The following LUZP2 variants were observed in gnomAD, a reference collection of about 807,000 sequenced individuals.
LUZP2 encodes the protein leucine zipper protein 2.
Under a neutral mutation model 51.6 loss-of-function variants are expected in LUZP2, and 52 were observed. That is an observed-to-expected ratio of 1.01 (90% CI 0.81 to 1.27). The LOEUF (loss-of-function observed/expected upper bound fraction) is 1.27, where lower values mean the gene tolerates loss of function less well. Among genes scored for constraint, LUZP2 ranks in the 50% most tolerant of loss-of-function variants. The pLI, the probability that LUZP2 is intolerant of heterozygous loss-of-function variation, is 0.00. For missense variants in LUZP2, 436 were observed against 395.4 expected, an observed-to-expected ratio of 1.10 and a Z score of -0.87; for synonymous variants, 154 against 137.3, an observed-to-expected ratio of 1.12 and a Z score of -0.85.
chr11:25,007,495 C>A (rs1856865949), intron 9 of LUZP2, among the ~76,000 whole-genome samples: 1 of 152,104 alleles, frequency 6.6e-6, no homozygotes, highest in African/African-American at 2.4e-5. Flanking sequence ...CCCAGCTACT[C>A]AGGAGGCTGA....
chr11:24,614,365 C>G (rs1204171203), intron 1 of LUZP2, among the ~76,000 whole-genome samples: 1 of 151,966 alleles, frequency 6.6e-6, no homozygotes, highest in Non-Finnish European at 1.5e-5. Context: ...GTTACTTTAA[C>G]TGATGCTCCT....
intron 5 of LUZP2, among the ~76,000 whole-genome samples, chr11:24,881,554 AG>A (rs1659662575): frequency 6.6e-6 from 1 of 152,092 alleles, no homozygotes; most frequent in South Asian, 2.1e-4. Context: ...GGAAGTTGAA[AG>A]TATTCTGATT....
intron 1 of LUZP2, among the ~76,000 whole-genome samples, chr11:24,677,887 A>G (rs1403088998): frequency 2.0e-5 from 3 of 152,146 alleles, no homozygotes; most frequent in Non-Finnish European, 4.4e-5. Context: ...AATACAAAAA[A>G]TTAGCCGGGC....
chr11:24,843,085 A>T (rs1362584284), intron 5 of LUZP2, among the ~76,000 whole-genome samples: 2 of 151,906 alleles, frequency 1.3e-5, no homozygotes, highest in Non-Finnish European at 2.9e-5. Flanking sequence ...TATTTAAAAT[A>T]AAAAACAAGA....
chr11:24,654,895 A>T (rs1254782683), intron 1 of LUZP2, among the ~76,000 whole-genome samples: 3 of 152,100 alleles, frequency 2.0e-5, no homozygotes, highest in Non-Finnish European at 2.9e-5. Context: ...TTTTTCCAAA[A>T]AAATAAAGAT....
At chr11:24,791,978 A>C (rs1849422052) in intron 5 of LUZP2, among the ~76,000 whole-genome samples, 2 of 150,452 alleles carry the variant, frequency 1.3e-5, no homozygotes, top group Admixed American at 1.3e-4. Flanking sequence ...TTTCCATTCA[A>C]TCCAAATAGC....
chr11:25,021,052 A>T (rs1857318288), intron 9 of LUZP2, among the ~76,000 whole-genome samples: 1 of 152,120 alleles, frequency 6.6e-6, no homozygotes, highest in Non-Finnish European at 1.5e-5. Flanking sequence ...TAAGATGATA[A>T]ACCCCTTCTG....
intron 1 of LUZP2, among the ~76,000 whole-genome samples, chr11:24,552,122 C>A (rs1185079315): frequency 2.6e-5 from 4 of 151,914 alleles, no homozygotes; most frequent in South Asian, 2.1e-4. Flanking sequence ...GATATAGGGA[C>A]ATGAAGAAAG....
intron 1 of LUZP2, among the ~76,000 whole-genome samples, chr11:24,603,752 C>T (rs554828815): frequency 8.0e-5 from 12 of 150,700 alleles, no homozygotes; most frequent in African/African-American, 2.9e-4. Context: ...AGTATTGCTT[C>T]AATTAACAAA....
intron 1 of LUZP2, among the ~76,000 whole-genome samples, chr11:24,532,082 T>A (rs531246278): frequency 1.3e-4 from 20 of 151,088 alleles, no homozygotes; most frequent in Middle Eastern, 6.8e-3. Context: ...TTAACTTCAT[T>A]ATAACCACAT....
intron 5 of LUZP2, among the ~76,000 whole-genome samples, chr11:24,764,490 T>TAAAAAAAAAAAAAAAAAAAAAA (rs869045272): frequency 4.4e-4 from 41 of 94,024 alleles, no homozygotes; most frequent in Non-Finnish European, 6.8e-4. Flanking sequence ...ATCTCATCTC[T>TAAAAAAAAAAAAAAAAAAAAAA]AAAAAAAAAA....
intron 10 of LUZP2, among the ~76,000 whole-genome samples, chr11:25,054,112 G>A (rs1044996948): frequency 1.3e-5 from 2 of 152,144 alleles, no homozygotes; most frequent in Non-Finnish European, 2.9e-5. Flanking sequence ...TAGGTAGCTT[G>A]TCTGTGTTCT....
rs1176413379 is a variant in LUZP2, at chr11:24,652,078, TGTGTACACATGTTGTGC to T, written c.63-77090_63-77074del. On this transcript the variant is annotated intron_variant, in intron 1 of 11. Coordinates refer to ENST00000336930, the MANE Select transcript of LUZP2 (RefSeq NM_001009909.4). ...TATGTGTGTACACATGTTGTATATGTGTGTACACATGTTGTGCATGTGTGTATATGTGTTTGTGTGTG... is the reference window on the plus strand; with the variant it reads ...TATGTGTGTACACATGTTGTATATGTATGTGTGTATATGTGTTTGTGTGTG... Among the ~76,000 whole-genome samples, 401 of 147,200 alleles carry T rather than the reference TGTGTACACATGTTGTGC, an allele frequency of 2.7e-3. 1 individual carries two copies. Among genetic ancestry groups the T allele is most frequent in the Non-Finnish European group, 4.1e-3 (273 of 66,850 alleles).
chr11:24,769,786 C>CTCTTTTTTTTTT (rs764723270), intron 5 of LUZP2, among the ~76,000 whole-genome samples: 20 of 147,026 alleles, frequency 1.4e-4, no homozygotes, highest in Non-Finnish European at 2.1e-4. Flanking sequence ...ACTAAATTCT[C>CTCTTTTTTTTTT]TTTTTTGTTT....
chr11:24,924,525 A>G (rs951668809), intron 7 of LUZP2, among the ~76,000 whole-genome samples: 6 of 152,108 alleles, frequency 3.9e-5, no homozygotes, highest in African/African-American at 1.2e-4. Flanking sequence ...TTTCCTGGAC[A>G]TTTACTCAAC....
chr11:25,027,877 A>AAAG (rs879835939), intron 9 of LUZP2, among the ~76,000 whole-genome samples: 15,060 of 151,430 alleles, frequency 0.099, 1,973 homozygotes, highest in African/African-American at 0.29. Flanking sequence ...CTCAAAAAAA[A>AAAG]AAAAAAAGGT....
chr11:24,840,258 T>C (rs1452685000), intron 5 of LUZP2, among the ~76,000 whole-genome samples: 1 of 151,838 alleles, frequency 6.6e-6, no homozygotes, highest in Non-Finnish European at 1.5e-5. Flanking sequence ...GCTTAAAACA[T>C]AGTAACATTT....
At chr11:25,019,464 C>T (rs867456912) in intron 9 of LUZP2, among the ~76,000 whole-genome samples, 2 of 151,832 alleles carry the variant, frequency 1.3e-5, no homozygotes, top group African/African-American at 4.8e-5. Context: ...AGATACATAC[C>T]ATAAACAATT....
At chr11:24,815,803 A>T (rs1850163638) in intron 5 of LUZP2, among the ~76,000 whole-genome samples, 1 of 152,044 alleles carries the variant, frequency 6.6e-6, no homozygotes, top group African/African-American at 2.4e-5. Flanking sequence ...TGTCCCTTAT[A>T]AAAGAGAGTA....
Sources: allele counts gnomAD v4.1 joint callset (sites outside exome capture counted in the v4.1 genomes callset), GRCh38; gene constraint gnomAD v4.1.1; transcripts MANE v1.5; gene names NCBI Gene and HGNC (gene_info 2026-07-23, HGNC 2026-07-21).